Variants in TRIM66 observed in about 807,000 individuals in gnomAD.
TRIM66 encodes tripartite motif-containing protein 66.
TRIM66 carries 99 observed loss-of-function variants against 148.2 expected under a neutral mutation model. The ratio of observed to expected loss-of-function variants is 0.67; its 90% CI spans 0.57 to 0.79. TRIM66 has a LOEUF of 0.79. Ranked by LOEUF, TRIM66 falls within the 30% of genes least tolerant of loss-of-function variation. The pLI, the probability that TRIM66 is intolerant of heterozygous loss-of-function variation, is 0.00. For missense variants in TRIM66, 1,666 were observed against 1,697.9 expected (o/e 0.98, Z 0.33); for synonymous variants, 616 against 635.9 (o/e 0.97, Z 0.47).
At chr11:8,660,346 G>C (rs2133375171) in intron 6 of TRIM66, among the ~76,000 whole-genome samples, 1 of 152,134 alleles carries the variant, frequency 6.6e-6, no homozygotes, top group Non-Finnish European at 1.5e-5. Flanking sequence ...TCCCTACCTG[G>C]GAGTCCCTTG....
chr11:8,650,064 C>T (rs554084513), intron 7 of TRIM66, among the ~76,000 whole-genome samples, 177 bp from the exon 8 acceptor site: 3 of 152,126 alleles, frequency 2.0e-5, no homozygotes, highest in Non-Finnish European at 4.4e-5. Flanking sequence ...AAGGAAGCAT[C>T]CTTTGTAACC....
intron 15 of TRIM66, among the ~76,000 whole-genome samples, chr11:8,627,903 C>A (rs921684767): frequency 3.9e-5 from 6 of 152,222 alleles, no homozygotes; most frequent in Admixed American, 3.9e-4. Context: ...CAGCTCACTG[C>A]AGCCTTGACC....
intron 4 of TRIM66, among the ~76,000 whole-genome samples, chr11:8,673,030 C>T (rs2039015876): frequency 6.6e-6 from 1 of 151,616 alleles, no homozygotes; most frequent in Admixed American, 6.6e-5. Context: ...AGCTCCACCT[C>T]CCAGGTTCAC....
intron 3 of TRIM66, among the ~76,000 whole-genome samples, chr11:8,677,374 A>G (rs549313540): frequency 1.3e-4 from 20 of 152,326 alleles, no homozygotes; most frequent in African/African-American, 4.3e-4. Context: ...GTACACACTC[A>G]ATTAATATTT....
intron 17 of TRIM66, among the ~76,000 whole-genome samples, chr11:8,624,139 G>A (rs1170689399): frequency 6.6e-6 from 1 of 152,192 alleles, no homozygotes; most frequent in African/African-American, 2.4e-5. Context: ...GTTACAAAAA[G>A]AGTAAGTCCT....
rs971524621 is a variant in TRIM66, at chr11:8,624,465, G to T, written c.2913C>A (p.Ala971=). The T allele has an allele frequency of 6.4e-7, 1 of 1,551,614 alleles. No individual in the cohort carries two copies. The highest frequency in any genetic ancestry group is 8.7e-7 in the Non-Finnish European group (1 of 1,146,970). ...TTGGCTCCTCCAGTTCTGAGGGGAT[G>T]GCCAAGTCCTTGGGAGCATCCAGAC... The part of the protein sequence containing the change: ...VPGLDAPKDL[A]IPSELEEPIN... Residue 971 remains alanine, a synonymous_variant, in exon 17 of 25, where the codon GCC becomes GCA. Coordinates refer to ENST00000646038, the MANE Select transcript of TRIM66 (RefSeq NM_001388022.1).
chr11:8,637,406 C>G (rs1333885299), intron 15 of TRIM66, among the ~76,000 whole-genome samples: 1 of 151,912 alleles, frequency 6.6e-6, no homozygotes, highest in Non-Finnish European at 1.5e-5. Flanking sequence ...GGCCCAAATA[C>G]AAGAAGTTAA....
chr11:8,630,307 A>AG (rs946199714), intron 15 of TRIM66, among the ~76,000 whole-genome samples: 4 of 152,122 alleles, frequency 2.6e-5, no homozygotes, highest in Non-Finnish European at 5.9e-5. Flanking sequence ...TGGAGATGAT[A>AG]CCACCCACCC....
At chr11:8,656,042 G>A (rs1359332283) in intron 6 of TRIM66, among the ~76,000 whole-genome samples, 3 of 152,234 alleles carry the variant, frequency 2.0e-5, no homozygotes, top group Admixed American at 2.0e-4. Flanking sequence ...TGGATCCAAA[G>A]GACATGCACT....
In TRIM66 at chr11:8,624,894, G is replaced by A. The variant is rs2034660501; in HGVS notation, c.2645C>T (p.Pro882Leu). Residue 882 changes from proline to leucine, a missense_variant, in exon 16 of 25, where the codon CCC (proline) becomes CTC (leucine). By Grantham distance (98) the Pro-to-Leu change is moderately conservative (BLOSUM62 -3). Coordinates refer to ENST00000646038, the MANE Select transcript of TRIM66 (RefSeq NM_001388022.1). ...SLASDHPQAGPSLMSGHTQAV... is the reference protein window; with the variant it reads ...SLASDHPQAGLSLMSGHTQAV... Reference sequence around the variant, plus strand: ...CTGGGTGTGACCAGACATTAGGCTGGGCCCAGCCTGAGGGTGATCACTTGC... The same window carrying A: ...CTGGGTGTGACCAGACATTAGGCTGAGCCCAGCCTGAGGGTGATCACTTGC... 1.3e-6 allele frequency: 2 copies of A among 1,551,626 alleles called. No individual in the cohort carries two copies. The highest frequency in any genetic ancestry group is 1.7e-6 in the Non-Finnish European group (2 of 1,146,932).
chr11:8,671,933 C>A lies in TRIM66; in HGVS notation c.193G>T (p.Val65Leu). ...CPKSGQMEAM[V>L]MTCSLCHQDL... Reference sequence around the variant, plus strand: ...TGATGGCACAATGAGCAGGTCATTACCATGGCCTCCATCTGTCCACTCTTA... The same window carrying A: ...TGATGGCACAATGAGCAGGTCATTAACATGGCCTCCATCTGTCCACTCTTA... The change falls in exon 6 of 25, where the codon GTA becomes TTA. Residue 65 changes from valine to leucine, a missense_variant. This residue lies in a region of TRIM66 where 1,431 missense variants were observed against 1,412.4 expected (regional missense o/e 1.01). Coordinates refer to ENST00000646038, the MANE Select transcript of TRIM66 (RefSeq NM_001388022.1). 1 of 1,536,154 alleles carries A rather than the reference C, an allele frequency of 6.5e-7. No homozygotes were observed. The highest frequency in any genetic ancestry group is 1.4e-5 in the African/African-American group (1 of 73,182).
At chr11:8,633,798 T>C (rs777689506) in intron 15 of TRIM66, among the ~76,000 whole-genome samples, 2 of 152,204 alleles carry the variant, frequency 1.3e-5, no homozygotes, top group Non-Finnish European at 2.9e-5. Context: ...CAAGTCATTG[T>C]CCAGCTTTGG....
intron 6 of TRIM66, among the ~76,000 whole-genome samples, chr11:8,669,805 C>T (rs188813148): frequency 6.6e-6 from 1 of 152,136 alleles, no homozygotes; most frequent in African/African-American, 2.4e-5. Flanking sequence ...TCAGCCCTCT[C>T]CTCTGCCCTT....
chr11:8,670,264 G>T (rs7101911), intron 6 of TRIM66, among the ~76,000 whole-genome samples: 7,681 of 152,116 alleles, frequency 0.05, 261 homozygotes, highest in Non-Finnish European at 0.068. Context: ...TCGCTGCCTT[G>T]GCCTCCCAAA....
At chr11:8,668,326 T>C (rs911659527) in intron 6 of TRIM66, among the ~76,000 whole-genome samples, 6 of 152,110 alleles carry the variant, frequency 3.9e-5, no homozygotes, top group African/African-American at 1.4e-4. Flanking sequence ...AACCCAACAA[T>C]GCTGGAACTT....
chr11:8,662,709 G>C (rs1196845932), intron 6 of TRIM66, among the ~76,000 whole-genome samples: 1 of 152,172 alleles, frequency 6.6e-6, no homozygotes, highest in Non-Finnish European at 1.5e-5. Context: ...AAGTATCAAA[G>C]TCTTCCAGCC....
At chr11:8,629,489 T>A (rs1366695632) in intron 15 of TRIM66, among the ~76,000 whole-genome samples, 1 of 152,218 alleles carries the variant, frequency 6.6e-6, no homozygotes, top group African/African-American at 2.4e-5. Flanking sequence ...TCAGGTGCCA[T>A]ACGTCACAAG....
At chr11:8,677,758 A>G (rs1282017295) in intron 3 of TRIM66, among the ~76,000 whole-genome samples, 1 of 152,224 alleles carries the variant, frequency 6.6e-6, no homozygotes, top group African/African-American at 2.4e-5. Flanking sequence ...CAAAGACTCT[A>G]GAATTTCTCT....
intron 23 of TRIM66, 26 bp downstream of exon 23, chr11:8,619,357 A>C: frequency 2.3e-6 from 3 of 1,325,824 alleles, no homozygotes; most frequent in Non-Finnish European, 2.0e-6. Flanking sequence ...GGGAAATAGG[A>C]GAGAGGGAAA....
Sources: allele counts gnomAD v4.1 joint callset (sites outside exome capture counted in the v4.1 genomes callset), GRCh38; gene constraint gnomAD v4.1.1; regional missense constraint gnomAD v4.1.1; transcripts MANE v1.5; gene names NCBI Gene and HGNC (gene_info 2026-07-23, HGNC 2026-07-21).